The following EPHB2 variants were observed in gnomAD, a reference collection of about 807,000 sequenced individuals.
EPHB2 encodes ephrin type-B receptor 2.
In EPHB2, 18 loss-of-function variants were observed where a neutral mutation model predicts 96.4. The observed-to-expected ratio is 0.19, with a 90% CI of 0.13 to 0.28. The LOEUF is 0.28. EPHB2 is among the 10% of genes least tolerant of loss of function. The probability of loss-of-function intolerance (pLI) is 1.00; values close to 1 mark genes in which losing one functional copy is unlikely to be tolerated. For missense variants in EPHB2, 989 were observed against 1,355.4 expected (o/e 0.73, Z 4.25); for synonymous variants, 506 against 534.1 (o/e 0.95, Z 0.72).
chr1:22,773,573 T>A (rs1486677421), intron 1 of EPHB2, among the ~76,000 whole-genome samples: 1 of 152,194 alleles, frequency 6.6e-6, no homozygotes, highest in Non-Finnish European at 1.5e-5. Flanking sequence ...GCTTCAACCC[T>A]TCCCCCAGCT....
intron 6 of EPHB2, 99 bp downstream of exon 6, chr1:22,882,582 C>A: frequency 6.4e-7 from 1 of 1,572,934 alleles, no homozygotes; most frequent in South Asian, 1.1e-5. Flanking sequence ...AGATGAGACG[C>A]ACTGGTGCAG....
chr1:22,899,791 G>A lies in EPHB2; in HGVS notation c.1765+3313G>A, dbSNP rs190624753. On this transcript the variant is annotated intron_variant, in intron 9 of 15. Coordinates refer to ENST00000374630, the MANE Select transcript of EPHB2 (RefSeq NM_017449.5). ...GAGGATCACTTGAGTCCAGGAGTTC[G>A]AGACCAGCCTGGGCAACATAGCAAA... 2.6e-3 allele frequency among the ~76,000 whole-genome samples: 390 copies of A among 151,714 alleles called. 3 individuals carry two copies. The highest frequency in any genetic ancestry group is 8.6e-3 in the African/African-American group (357 of 41,356).
Position 22,895,497 on chromosome 1 carries a change from G to C in EPHB2, c.1617G>C (p.Glu539Asp). 1 of 1,614,268 alleles carries C rather than the reference G, an allele frequency of 6.2e-7. No homozygotes were observed. The highest frequency in any genetic ancestry group is 2.2e-5 in the East Asian group (1 of 44,894). The change falls in exon 8 of 16, where the codon GAG becomes GAC. Residue 539 changes from glutamate (E) to aspartate (D), a missense_variant. By Grantham distance (45) the Glu-to-Asp change is conservative (BLOSUM62 2). Coordinates refer to ENST00000374630, the MANE Select transcript of EPHB2 (RefSeq NM_017449.5). ...CCGAGTACCAGACAAGCATCCAGGAGAAGTTGCCACTCATCATCGGCTCCT... is the reference window on the plus strand; with the variant it reads ...CCGAGTACCAGACAAGCATCCAGGACAAGTTGCCACTCATCATCGGCTCCT... ...TEAEYQTSIQ[E>D]KLPLIIGSSA...
chr1:22,744,747 T>C, intron 1 of EPHB2, among the ~76,000 whole-genome samples: 1 of 150,004 alleles, frequency 6.7e-6, no homozygotes, highest in East Asian at 1.9e-4. Context: ...TCTCAGCTAT[T>C]TGGGAGGCAG....
At chr1:22,740,478 T>C (rs1643888493) in intron 1 of EPHB2, among the ~76,000 whole-genome samples, 1 of 152,144 alleles carries the variant, frequency 6.6e-6, no homozygotes, top group Admixed American at 6.5e-5. Flanking sequence ...GGTCCTGCGG[T>C]CTGGCGGGCT....
chr1:22,729,064 A>G, intron 1 of EPHB2, among the ~76,000 whole-genome samples: 1 of 152,262 alleles, frequency 6.6e-6, no homozygotes, highest in East Asian at 1.9e-4. Flanking sequence ...TAATCTGCTC[A>G]CTCGGGGTAA....
chr1:22,890,406 C>T (rs566460563), intron 6 of EPHB2, among the ~76,000 whole-genome samples: 1 of 152,106 alleles, frequency 6.6e-6, no homozygotes, highest in African/African-American at 2.4e-5. Context: ...CCCTGCCTCC[C>T]CCTGTTATGG....
intron 1 of EPHB2, among the ~76,000 whole-genome samples, chr1:22,769,955 T>C (rs1362414220): frequency 6.6e-6 from 1 of 151,922 alleles, no homozygotes; most frequent in Non-Finnish European, 1.5e-5. Context: ...GATAAATTGG[T>C]GGTGTAAGGA....
intron 3 of EPHB2, among the ~76,000 whole-genome samples, chr1:22,828,781 G>A (rs1383975715): frequency 6.6e-6 from 1 of 152,174 alleles, no homozygotes; most frequent in African/African-American, 2.4e-5. Context: ...AAGACGACTA[G>A]GCACAGAGAG....
Position 22,882,363 on chromosome 1 carries a change from A to G in EPHB2, c.1308A>G (p.Pro436=), listed in dbSNP as rs926151526. 5 of 1,613,774 alleles carry G rather than the reference A, an allele frequency of 3.1e-6. No homozygotes were observed. The highest frequency in any genetic ancestry group is 4.2e-6 in the Non-Finnish European group (5 of 1,179,942). The change falls in exon 6 of 16, where the codon CCA becomes CCG. Residue 436 remains proline (P), a synonymous_variant. Transcript: ENST00000374630. ...GACCTCTGGCCTCTCTTCCAGCTCC[A>G]TCGGCAGTGTCCATCATGCATCAGG... ...SVNITTNQAA[P]SAVSIMHQVS...
chr1:22,882,264 CACAGTGCCCCACCTGTCCGAGT>C, intron 5 of EPHB2, 73 bp from the exon 6 acceptor site: 3 of 1,580,260 alleles, frequency 1.9e-6, no homozygotes, highest in Non-Finnish European at 2.6e-6. Flanking sequence ...TCTCTGATCC[CACAGTGCCCCACCTGTCCGAGT>C]ACCTCTGAGG....
At position 22,909,024 on chromosome 1, in the gene EPHB2, C is replaced by T. The variant is rs376647308; in HGVS notation, c.2355C>T (p.Gly785=). Residue 785 remains glycine (G), a splice_region_variant and synonymous_variant, in exon 13 of 16, where the codon GGC becomes GGT. Transcript: ENST00000374630. ...ACCCTCCTCTTTCTGTCTCCCAGGG[C>T]GGAAAGATCCCCATCCGCTGGACAG... is the stretch of plus-strand genomic sequence containing the variant. ...TSDPTYTSAL[G]GKIPIRWTAP... 8.1e-6 allele frequency: 13 copies of T among 1,614,004 alleles called. No homozygotes were observed. The African/African-American group carries it at 9.3e-5, about 12-fold the overall frequency.
intron 3 of EPHB2, among the ~76,000 whole-genome samples, chr1:22,849,910 G>T (rs1361472488): frequency 6.6e-6 from 1 of 152,222 alleles, no homozygotes; most frequent in Non-Finnish European, 1.5e-5. Context: ...CCGGGTAAAG[G>T]GGCCCTGAAA....
At chr1:22,868,161 T>G (rs1420816021) in intron 5 of EPHB2, among the ~76,000 whole-genome samples, 2 of 152,152 alleles carry the variant, frequency 1.3e-5, no homozygotes, top group East Asian at 3.8e-4. Flanking sequence ...GGTTCTGGGC[T>G]GCTGGGATGG....
chr1:22,839,728 A>G (rs546253747), intron 3 of EPHB2, among the ~76,000 whole-genome samples: 27 of 152,268 alleles, frequency 1.8e-4, no homozygotes, highest in African/African-American at 6.0e-4. Context: ...CTATGAACTG[A>G]CATTAGAAGG....
intron 5 of EPHB2, among the ~76,000 whole-genome samples, chr1:22,881,873 G>A (rs546818294): frequency 2.0e-5 from 3 of 152,268 alleles, no homozygotes; most frequent in African/African-American, 4.8e-5. Context: ...GATTACAGAT[G>A]TGAGCCGCTG....
intron 1 of EPHB2, among the ~76,000 whole-genome samples, chr1:22,730,704 A>G (rs1470037251): frequency 6.6e-6 from 1 of 152,076 alleles, no homozygotes; most frequent in Non-Finnish European, 1.5e-5. Context: ...GGGGTGTGCA[A>G]GGCAGCCAGC....
chr1:22,896,214 A>C (rs1267990469), intron 8 of EPHB2, among the ~76,000 whole-genome samples, 200 bp from the exon 9 acceptor site: 1 of 151,502 alleles, frequency 6.6e-6, no homozygotes, highest in East Asian at 1.9e-4. Flanking sequence ...CTGGAGGGGG[A>C]GGAACTGGGG....
At chr1:22,721,306 AC>A (rs1180623529) in intron 1 of EPHB2, among the ~76,000 whole-genome samples, 2 of 152,188 alleles carry the variant, frequency 1.3e-5, no homozygotes, top group Non-Finnish European at 2.9e-5. Context: ...CCTGGGCAAC[AC>A]ATAGTCAAAG....
Sources: gnomAD v4.1 joint callset for allele counts (sites outside exome capture counted in the v4.1 genomes callset) on GRCh38, gnomAD v4.1.1 for gene constraint, MANE v1.5 for transcripts, NCBI Gene and HGNC (gene_info 2026-07-23, HGNC 2026-07-21) for gene names.